The following WWOX variants were observed in gnomAD, a reference collection of about 807,000 sequenced individuals.
The protein encoded by WWOX is WW domain containing oxidoreductase.
Under a neutral mutation model 46.2 loss-of-function variants are expected in WWOX, and 69 were observed. The observed-to-expected ratio is 1.49, with a 90% CI of 1.23 to 1.82. The LOEUF (loss-of-function observed/expected upper bound fraction) is 1.82. Among genes scored for constraint, WWOX ranks in the 40% most tolerant of loss-of-function variants. WWOX has a pLI of 0.00. For missense variants in WWOX, 919 were observed against 542.6 expected, an observed-to-expected ratio of 1.69 and a Z score of -6.89; for synonymous variants, 359 against 202.6, an observed-to-expected ratio of 1.77 and a Z score of -6.56.
chr16:78,436,394 T>C (rs1977024), intron 8 of WWOX, among the ~76,000 whole-genome samples: 17,123 of 152,168 alleles, frequency 0.11, 1,734 homozygotes, highest in African/African-American at 0.26. Context: ...TGTGGACTTT[T>C]CTTGTTTCTG....
At chr16:78,743,606 C>G (rs1034473816) in intron 8 of WWOX, among the ~76,000 whole-genome samples, 7 of 152,166 alleles carry the variant, frequency 4.6e-5, no homozygotes, top group African/African-American at 1.4e-4. Flanking sequence ...AGAGGCTACT[C>G]CCTCTGCAAC....
At chr16:78,371,978 G>C (rs1451504085) in intron 5 of WWOX, among the ~76,000 whole-genome samples, 1 of 152,180 alleles carries the variant, frequency 6.6e-6, no homozygotes, top group Admixed American at 6.5e-5. Context: ...GCTGGAAATA[G>C]ACATGTGAGT....
chr16:78,961,040 A>G (rs1281594235), intron 8 of WWOX, among the ~76,000 whole-genome samples: 2 of 152,114 alleles, frequency 1.3e-5, no homozygotes, highest in South Asian at 2.1e-4. Flanking sequence ...TCAGCTCCAT[A>G]CATCTGGGCA....
intron 8 of WWOX, among the ~76,000 whole-genome samples, chr16:78,955,515 G>T (rs1305837237): frequency 2.0e-5 from 3 of 152,180 alleles, no homozygotes; most frequent in African/African-American, 7.2e-5. Flanking sequence ...CCTCGTGTAA[G>T]CACACCAGGC....
chr16:79,174,232 A>T (rs985806995), intron 8 of WWOX, among the ~76,000 whole-genome samples: 2 of 152,228 alleles, frequency 1.3e-5, no homozygotes, highest in Non-Finnish European at 2.9e-5. Context: ...CCTCTTGGCC[A>T]CCAATGCTGT....
intron 8 of WWOX, among the ~76,000 whole-genome samples, chr16:78,857,889 T>C (rs555538140): frequency 4.6e-5 from 7 of 152,196 alleles, no homozygotes; most frequent in African/African-American, 1.7e-4. Flanking sequence ...GATCAAGCAA[T>C]TCCATTCTGT....
intron 5 of WWOX, among the ~76,000 whole-genome samples, chr16:78,250,951 C>G (rs114392260): frequency 3.9e-3 from 595 of 152,306 alleles, no homozygotes; most frequent in African/African-American, 0.013. Flanking sequence ...AGGCATGGGG[C>G]ACAGATGTCT....
chr16:78,122,505 T>C (rs1272171342), intron 4 of WWOX, among the ~76,000 whole-genome samples: 1 of 152,244 alleles, frequency 6.6e-6, no homozygotes, highest in Non-Finnish European at 1.5e-5. Flanking sequence ...AACTTGGAAA[T>C]TGTTTTACTT....
At chr16:78,919,044 TAGC>T (rs987931011) in intron 8 of WWOX, among the ~76,000 whole-genome samples, 14 of 152,108 alleles carry the variant, frequency 9.2e-5, no homozygotes, top group African/African-American at 3.1e-4. Context: ...AGTTCAGTCA[TAGC>T]AGCCGCTGCC....
intron 8 of WWOX, among the ~76,000 whole-genome samples, chr16:78,605,427 C>T (rs1427320596): frequency 6.6e-6 from 1 of 151,622 alleles, no homozygotes; most frequent in African/African-American, 2.4e-5. Flanking sequence ...GAACCTCGCT[C>T]TTCTACTCTC....
chr16:79,005,304 C>T (rs2047169581), intron 8 of WWOX, among the ~76,000 whole-genome samples: 1 of 152,106 alleles, frequency 6.6e-6, no homozygotes, highest in Non-Finnish European at 1.5e-5. Flanking sequence ...GGAGGAGATG[C>T]AACACACAGT....
chr16:78,841,604 A>G (rs2151169325), intron 8 of WWOX, among the ~76,000 whole-genome samples: 1 of 152,362 alleles, frequency 6.6e-6, no homozygotes, highest in East Asian at 1.9e-4. Flanking sequence ...AATGTTAAGT[A>G]TTATGAGAAT....
rs34068363 is a variant in WWOX, at chr16:78,557,689, A to ATTTTTTTTTTTTTTTTTTTTTTT, written c.1056+124938_1056+124960dup. Among the ~76,000 whole-genome samples the ATTTTTTTTTTTTTTTTTTTTTTT allele has an allele frequency of 2.4e-4, 23 of 96,624 alleles. 3 individuals are homozygous for ATTTTTTTTTTTTTTTTTTTTTTT. The highest frequency in any genetic ancestry group is 1.4e-3 in the East Asian group (5 of 3,554). 63.4% of individuals were successfully genotyped at this position (96,624 alleles called of 152,430 possible). A position where few individuals can be genotyped will look rare whatever the true frequency, so the allele number is the denominator to read the frequency against. ...CATAAGTGCATTCCTCTAGGGAAGG[A>ATTTTTTTTTTTTTTTTTTTTTTT]TTTTTTTTTTTTTTTTTTTTTTTGA... is the stretch of plus-strand genomic sequence containing the variant. On this transcript the variant is annotated intron_variant, in intron 8 of 8. Transcript: ENST00000566780.
chr16:78,264,308 T>C (rs766462363), intron 5 of WWOX, among the ~76,000 whole-genome samples: 2 of 152,178 alleles, frequency 1.3e-5, no homozygotes, highest in African/African-American at 4.8e-5. Flanking sequence ...TTTATTCTTA[T>C]ACATGCGGAA....
In WWOX at chr16:79,088,936, A is replaced by G. The variant is rs529010655; in HGVS notation, c.1057-122672A>G. 1.7e-4 allele frequency among the ~76,000 whole-genome samples: 26 copies of G among 151,808 alleles called. No homozygotes were observed. In the South Asian group the frequency reaches 1.9e-3, roughly 11 times the overall value. On this transcript the variant is annotated intron_variant, in intron 8 of 8. Transcript: ENST00000566780. ...CTATTGGAGTGTACTTTTAAAATCT[A>G]TTTTTTTTGTCTTAATGTTTAGTGT...
intron 8 of WWOX, among the ~76,000 whole-genome samples, chr16:78,433,777 C>CTTTTTTTT (rs547236644): frequency 1.2e-5 from 1 of 84,402 alleles, no homozygotes; most frequent in Non-Finnish European, 2.2e-5. Flanking sequence ...TTGGGGATGA[C>CTTTTTTTT]TTTTTTTTTT....
intron 8 of WWOX, among the ~76,000 whole-genome samples, chr16:78,935,864 A>C (rs2045726403): frequency 6.6e-6 from 1 of 152,106 alleles, no homozygotes; most frequent in African/African-American, 2.4e-5. Context: ...GTGAGCTCAC[A>C]TCACACCACT....
At chr16:79,149,103 C>T (rs140030939) in intron 8 of WWOX, among the ~76,000 whole-genome samples, 3 of 152,128 alleles carry the variant, frequency 2.0e-5, no homozygotes, top group Admixed American at 6.6e-5. Flanking sequence ...CCTTGCCTTG[C>T]TCCTGATCTT....
intron 8 of WWOX, among the ~76,000 whole-genome samples, chr16:79,054,547 T>C (rs1430098997): frequency 6.6e-6 from 1 of 152,144 alleles, no homozygotes; most frequent in Non-Finnish European, 1.5e-5. Flanking sequence ...ATGGGTCTGG[T>C]ACAGTGGCTC....
Sources: gnomAD v4.1 joint callset for allele counts (sites outside exome capture counted in the v4.1 genomes callset) on GRCh38, gnomAD v4.1.1 for gene constraint, MANE v1.5 for transcripts, NCBI Gene and HGNC (gene_info 2026-07-23, HGNC 2026-07-21) for gene names.